Variants in ADAMTS7 observed in about 807,000 individuals in gnomAD.
The protein encoded by ADAMTS7 is A disintegrin and metalloproteinase with thrombospondin motifs 7.
ADAMTS7 carries 89 observed loss-of-function variants against 172.6 expected under a neutral mutation model. The observed-to-expected ratio is 0.52, with a 90% CI of 0.43 to 0.61. The LOEUF is 0.61. Among genes scored for constraint, ADAMTS7 ranks in the 20% least tolerant of loss-of-function variants. The pLI, the probability that ADAMTS7 is intolerant of heterozygous loss-of-function variation, is 0.00. For synonymous variants in ADAMTS7, 885 were observed against 978.4 expected (o/e 0.90, Z 1.78); for missense variants, 1,973 against 2,355.6 (o/e 0.84, Z 3.36).
rs2055307074 is a variant in ADAMTS7 at position 78,774,558 on chromosome 15, GT to G, written c.1876+65del. The G allele has an allele frequency of 1.6e-5, 25 of 1,606,734 alleles. No individual in the cohort carries two copies. The South Asian group carries it at 2.5e-4, about 16-fold the overall frequency. ...CTGGGCCTCCTGCTCGCATCACAGG[GT>G]AACCTTGGACCCACACACCCCCAGC... On this transcript the variant is annotated intron_variant, in intron 12 of 23. Coordinates refer to ENST00000388820, the MANE Select transcript of ADAMTS7 (RefSeq NM_014272.5).
intron 4 of ADAMTS7, among the ~76,000 whole-genome samples, chr15:78,795,365 G>A (rs1397010775): frequency 3.3e-5 from 5 of 152,222 alleles, no homozygotes; most frequent in Admixed American, 2.0e-4. Context: ...ATGGAACAGG[G>A]AGCCAATGAG....
intron 7 of ADAMTS7, 101 bp downstream of exon 7, chr15:78,789,588 T>C: frequency 6.8e-7 from 1 of 1,480,886 alleles, no homozygotes; most frequent in South Asian, 1.3e-5. Flanking sequence ...GAGAGCTTCC[T>C]TTCCCCTGGA....
In ADAMTS7 at chr15:78,771,481, A is replaced by G; in HGVS notation, c.2376+104T>C. ...GCCTGGCTCAGAGCCAGGCTCTGTG[A>G]CTGAACCAGGGCTCACTCCTCCAGG... is the stretch of plus-strand genomic sequence containing the variant. On this transcript the variant is annotated intron_variant, in intron 15 of 23. Coordinates refer to ENST00000388820, the MANE Select transcript of ADAMTS7 (RefSeq NM_014272.5). The surrounding 1 kb of genome is among the most constrained non-coding windows in gnomAD (Gnocchi z 4.9). 6.5e-7 allele frequency: 1 copy of G among 1,539,312 alleles called. No individual in the cohort carries two copies. Among genetic ancestry groups the G allele is most frequent in the Non-Finnish European group, 8.7e-7 (1 of 1,145,556 alleles).
chr15:78,764,768 A>C, intron 19 of ADAMTS7, 61 bp from the exon 20 acceptor site: 6 of 1,420,324 alleles, frequency 4.2e-6, no homozygotes, highest in Non-Finnish European at 5.5e-6. Flanking sequence ...CTCCACAGCC[A>C]GGAAACTACC....
chr15:78,789,795 C>CCAGGGTCT lies in ADAMTS7; in HGVS notation c.1064_1071dup (p.Gly358ArgfsTer32). On this transcript the variant is annotated frameshift_variant, in exon 7 of 24. Transcript: ENST00000388820. LOFTEE classifies it high-confidence loss of function. ...CACATGCCCGCCACATGGGACAGTC[C>CCAGGGTCT]CAGGGTCTCACAGGGCCGGTTCATG... The CCAGGGTCT allele has an allele frequency of 6.2e-7, 1 of 1,608,314 alleles. No homozygotes were observed. The highest frequency in any genetic ancestry group is 8.5e-7 in the Non-Finnish European group (1 of 1,177,772).
chr15:78,777,736 G>C, intron 8 of ADAMTS7, 148 bp from the exon 9 acceptor site: 1 of 1,062,486 alleles, frequency 9.4e-7, no homozygotes, highest in South Asian at 1.6e-5. Context: ...CGGCTCAGCC[G>C]ATCCTCCACC....
chr15:78,767,621 G>A (rs1282500067), intron 17 of ADAMTS7, 29 bp from the exon 18 acceptor site: 4 of 1,514,868 alleles, frequency 2.6e-6, no homozygotes, highest in East Asian at 2.5e-5. Flanking sequence ...TGGCATCAGT[G>A]TGGCATCAGA....
intron 1 of ADAMTS7, among the ~76,000 whole-genome samples, chr15:78,804,632 A>G (rs1170484212): frequency 1.4e-5 from 2 of 140,998 alleles, no homozygotes; most frequent in African/African-American, 5.3e-5. Flanking sequence ...TGCACATGCC[A>G]GTGCTGTGCC....
At chr15:78,773,345 G>A (rs2055285431) in intron 13 of ADAMTS7, 142 bp from the exon 14 acceptor site, 1 of 657,912 alleles carries the variant, frequency 1.5e-6, no homozygotes. Context: ...CACCTCAGCT[G>A]TGCCTCTGAC....
At chr15:78,761,853 C>T (rs112745574) in intron 23 of ADAMTS7, 57,934 of 985,310 alleles carry the variant, frequency 0.059, 1,894 homozygotes, top group Non-Finnish European at 0.066. Flanking sequence ...GCCAGGAAAC[C>T]CCCCACCACT....
intron 17 of ADAMTS7, 42 bp from the exon 18 acceptor site, chr15:78,767,634 G>C: frequency 6.7e-7 from 1 of 1,496,966 alleles, no homozygotes. Flanking sequence ...GCATCAGACA[G>C]GTGGCCTGCA....
Position 78,811,301 on chromosome 15 carries a change from C to T in ADAMTS7, c.-81G>A, listed in dbSNP as rs2055863892. On this transcript the variant is annotated 5_prime_UTR_variant, in exon 1 of 24. Transcript: ENST00000388820. ...TCCGGTCGCTGCCTGGTCCCAGGTC[C>T]GGCTCAGGACATGCCCGGCCGGCGT... 1.6e-6 allele frequency: 2 copies of T among 1,214,374 alleles called. No individual in the cohort carries two copies. The highest frequency in any genetic ancestry group is 3.3e-5 in the East Asian group (1 of 30,426). The allele number at this position is 1,214,374 out of a possible 1,614,324, so 75.2% of individuals were successfully genotyped here.
At position 78,764,653 on chromosome 15, in the gene ADAMTS7, C is replaced by T. The variant is rs752432985; in HGVS notation, c.4321G>A (p.Gly1441Ser). 6.2e-5 allele frequency: 97 copies of T among 1,576,590 alleles called. No homozygotes were observed. Among genetic ancestry groups the T allele is most frequent in the Admixed American group, 1.6e-4 (9 of 56,468 alleles). The change falls in exon 20 of 24, where the codon GGC (glycine) becomes AGC (serine). Residue 1441 changes from glycine (G) to serine (S), a missense_variant. Around this residue, in one of 8 missense-constraint regions of ADAMTS7, gnomAD observed 218 missense variants for 216.9 expected, o/e 1.01. Coordinates refer to ENST00000388820, the MANE Select transcript of ADAMTS7 (RefSeq NM_014272.5). Reference sequence around the variant, plus strand: ...GCGGGGGCGCAGTCCTCATCCCGGCCGGAGCTACAGCGCACCGGCCTCCAG... The same window carrying T: ...GCGGGGGCGCAGTCCTCATCCCGGCTGGAGCTACAGCGCACCGGCCTCCAG... ...AVWRPVRCSS[G>S]RDEDCAPAGR... is the part of the protein sequence containing the mutation.
Position 78,777,567 on chromosome 15 carries a change from C to A in ADAMTS7, c.1344G>T (p.Leu448=), listed in dbSNP as rs1185636078. The change falls in exon 9 of 24, where the codon CTG becomes CTT. Residue 448 remains leucine (L), a synonymous_variant. Coordinates refer to ENST00000388820, the MANE Select transcript of ADAMTS7 (RefSeq NM_014272.5). ...TAATGTCCTTGGCAGGAGGGTCGTC[C>A]AGGCACAGGCCCCACCCACGGCTAA... ...RFLDRGWGLC[L]DDPPAKDIID... is the part of the protein sequence containing the mutation. 6.2e-7 allele frequency: 1 copy of A among 1,606,574 alleles called. No individual in the cohort carries two copies. Among genetic ancestry groups the A allele is most frequent in the South Asian group, 1.1e-5 (1 of 89,532 alleles).
Position 78,759,417 on chromosome 15 carries a change from G to A in ADAMTS7, c.*4C>T, listed in dbSNP as rs12286. ...TGTCGGTCGGTCTGTGCATCCTGGCGCAGTCAGCGGCGGGCAACCCGCTGA... is the reference window on the plus strand; with the variant it reads ...TGTCGGTCGGTCTGTGCATCCTGGCACAGTCAGCGGCGGGCAACCCGCTGA... On this transcript the variant is annotated 3_prime_UTR_variant, in exon 24 of 24. Transcript: ENST00000388820. The A allele has an allele frequency of 0.36, 574,893 of 1,587,246 alleles. 107,215 individuals carry two copies. The highest frequency in any genetic ancestry group is 0.41 in the Non-Finnish European group (480,790 of 1,172,306).
chr15:78,766,126 G>T lies in ADAMTS7; in HGVS notation c.3785C>A (p.Thr1262Lys). The part of the protein sequence containing the change: ...SPSPDVAELW[T>K]GGTVAWEPAL... ...TGGCTCCCAGGCCACTGTGCCTCCT[G>T]TCCACAGCTCCGCCACGTCAGGACT... The change falls in exon 19 of 24, where the codon ACA becomes AAA. Residue 1262 changes from threonine to lysine, a missense_variant. Thr to Lys is a moderately conservative substitution (Grantham distance 78, BLOSUM62 -1). Around this residue, in one of 8 missense-constraint regions of ADAMTS7, gnomAD observed 771 missense variants for 952.6 expected, o/e 0.81. Transcript: ENST00000388820. The T allele has an allele frequency of 6.2e-7, 1 of 1,611,284 alleles. No homozygotes were observed. Among genetic ancestry groups the T allele is most frequent in the South Asian group, 1.1e-5 (1 of 90,986 alleles).
intron 23 of ADAMTS7, among the ~76,000 whole-genome samples, chr15:78,759,967 C>A (rs1006655570): frequency 1.3e-5 from 2 of 152,174 alleles, no homozygotes; most frequent in South Asian, 2.1e-4. Flanking sequence ...GGGCCTCCTG[C>A]CAGCCTGCAG....
Position 78,763,734 on chromosome 15 carries a change from G to C in ADAMTS7, c.4705C>G (p.Pro1569Ala). The C allele has an allele frequency of 6.3e-7, 1 of 1,592,594 alleles. No individual in the cohort carries two copies. The highest frequency in any genetic ancestry group is 8.5e-7 in the Non-Finnish European group (1 of 1,172,020). Residue 1569 changes from proline (P) to alanine (A), a missense_variant, in exon 22 of 24, where the codon CCC becomes GCC. By Grantham distance (27) the Pro-to-Ala change is conservative (BLOSUM62 -1). Around this residue, in one of 8 missense-constraint regions of ADAMTS7, gnomAD observed 218 missense variants for 216.9 expected, o/e 1.01. Transcript: ENST00000388820. ...PNTTRPCNTHPCTQWVVGPWG... is the reference protein window; with the variant it reads ...PNTTRPCNTHACTQWVVGPWG... Reference sequence around the variant, plus strand: ...GGCCCCACCACCCACTGCGTGCAGGGGTGGGTGTTGCAGGGCCGGGTGGTG... The same window carrying C: ...GGCCCCACCACCCACTGCGTGCAGGCGTGGGTGTTGCAGGGCCGGGTGGTG...
In ADAMTS7 at chr15:78,777,516, G is replaced by T. The variant is rs377659471; in HGVS notation, c.1395C>A (p.Gly465=). Residue 465 remains glycine, a synonymous_variant, in exon 9 of 24, where the codon GGC becomes GGA. Transcript: ENST00000388820. ...ACTGGTGGCTTACATCATAGAGGAC[G>T]CCAGGTGGCACCGAGGGGAAGTCGA... ...DIIDFPSVPP[G]VLYDVSHQCR... is the part of the protein sequence containing the mutation. 1.9e-5 allele frequency: 30 copies of T among 1,611,132 alleles called. No individual in the cohort carries two copies. The highest frequency in any genetic ancestry group is 5.0e-5 in the Admixed American group (3 of 59,706).
Sources: gnomAD v4.1 joint callset for allele counts (sites outside exome capture counted in the v4.1 genomes callset) on GRCh38, gnomAD v4.1.1 for gene constraint, gnomAD v4.1.1 regional missense constraint, Gnocchi (gnomAD v3.1) non-coding constraint, MANE v1.5 for transcripts, NCBI Gene and HGNC (gene_info 2026-07-23, HGNC 2026-07-21) for gene names.